Variants in ABCG8 observed in about 807,000 individuals in gnomAD.
ABCG8 encodes the protein ATP binding cassette subfamily G member 8.
Under a neutral mutation model 71.3 loss-of-function variants are expected in ABCG8, and 81 were observed. The observed-to-expected ratio is 1.14, with a 90% CI of 0.95 to 1.37. The LOEUF (loss-of-function observed/expected upper bound fraction) is 1.37, where lower values mean the gene tolerates loss of function less well. Among genes scored for constraint, ABCG8 ranks in the 40% most tolerant of loss-of-function variants. The probability of loss-of-function intolerance (pLI) is 0.00; values close to 1 mark genes in which losing one functional copy is unlikely to be tolerated. For missense variants in ABCG8, 1,119 were observed against 866.2 expected, an observed-to-expected ratio of 1.29 and a Z score of -3.66; for synonymous variants, 451 against 354.7, an observed-to-expected ratio of 1.27 and a Z score of -3.05.
chr2:43,842,243 C>T lies in ABCG8; in HGVS notation c.64-2264C>T, dbSNP rs576254172. ...GGCCAAGCTGGTCTTGAACTCCTGGCCTCAGGTGATCTGCCCTCCTCAGCT... is the reference window on the plus strand; with the variant it reads ...GGCCAAGCTGGTCTTGAACTCCTGGTCTCAGGTGATCTGCCCTCCTCAGCT... On this transcript the variant is annotated intron_variant, in intron 1 of 12. Coordinates refer to ENST00000272286, the MANE Select transcript of ABCG8 (RefSeq NM_022437.3). Among the ~76,000 whole-genome samples, 70 of 152,264 alleles carry T rather than the reference C, an allele frequency of 4.6e-4. 2 individuals are homozygous for T. Among genetic ancestry groups the T allele is most frequent in the African/African-American group, 1.5e-3 (61 of 41,546 alleles).
At chr2:43,865,614 A>ACTCT (rs879670074) in intron 6 of ABCG8, among the ~76,000 whole-genome samples, 1,423 of 141,884 alleles carry the variant, frequency 0.01, 4 homozygotes, top group Middle Eastern at 0.048. Context: ...TAGAACTCTC[A>ACTCT]CTATCTGGAT....
At chr2:43,874,792 G>T (rs913754023) in intron 10 of ABCG8, among the ~76,000 whole-genome samples, 2 of 152,170 alleles carry the variant, frequency 1.3e-5, no homozygotes, top group African/African-American at 4.8e-5. Flanking sequence ...CAGCAGGCCA[G>T]GCAGGTGTTT....
At chr2:43,858,161 G>C (rs557491553) in intron 6 of ABCG8, among the ~76,000 whole-genome samples, 1 of 151,532 alleles carries the variant, frequency 6.6e-6, no homozygotes, top group South Asian at 2.1e-4. Context: ...TATTTGTCTG[G>C]ATAGAGTTCT....
chr2:43,874,165 C>G (rs1471481006), intron 9 of ABCG8, among the ~76,000 whole-genome samples, 179 bp downstream of exon 9: 1 of 152,116 alleles, frequency 6.6e-6, no homozygotes, highest in African/African-American at 2.4e-5. Flanking sequence ...CGAGTCTTAG[C>G]TGTTCCTATC....
intron 3 of ABCG8, chr2:43,848,664 C>T (rs986754369): frequency 1.3e-5 from 2 of 152,102 alleles, no homozygotes; most frequent in African/African-American, 4.8e-5. Context: ...TGCCATCCCC[C>T]TCTCCCCCTG....
At chr2:43,862,616 G>C (rs537608431) in intron 6 of ABCG8, among the ~76,000 whole-genome samples, 46 of 148,782 alleles carry the variant, frequency 3.1e-4, no homozygotes, top group African/African-American at 1.1e-3. Context: ...CTCACTATAT[G>C]GATAGTATTC....
At chr2:43,855,360 G>A (rs948556869) in intron 6 of ABCG8, among the ~76,000 whole-genome samples, 6 of 151,710 alleles carry the variant, frequency 4.0e-5, no homozygotes, top group Non-Finnish European at 5.9e-5. Flanking sequence ...CTCACTCTCT[G>A]GATAGATCTC....
intron 6 of ABCG8, among the ~76,000 whole-genome samples, chr2:43,858,139 T>C (rs1435231409): frequency 2.0e-5 from 3 of 151,504 alleles, no homozygotes; most frequent in Non-Finnish European, 4.4e-5. Flanking sequence ...AACATCTAGA[T>C]AGAACTCTCA....
In ABCG8 at chr2:43,881,460, C is replaced by CA. The variant is rs1670129370; in HGVS notation, c.*3548dup. ...GTGCGGTGGCTCACGCCTGTAATCC[C>CA]AGCACTTTGGGAGGCCGCGGAGGGC... On this transcript the variant is annotated 3_prime_UTR_variant, in exon 13 of 13. Coordinates refer to ENST00000272286, the MANE Select transcript of ABCG8 (RefSeq NM_022437.3). The CA allele has an allele frequency of 1.3e-5, 2 of 152,510 alleles. No individual in the cohort carries two copies. The highest frequency in any genetic ancestry group is 1.5e-5 in the Non-Finnish European group (1 of 68,330). The allele number at this position is 152,510 out of a possible 1,614,324, so 9.4% of individuals were successfully genotyped here.
chr2:43,854,472 A>T (rs1339535225), intron 6 of ABCG8, among the ~76,000 whole-genome samples: 1 of 152,052 alleles, frequency 6.6e-6, no homozygotes, highest in East Asian at 1.9e-4. Context: ...TAATAAAAAT[A>T]TATGAATTAG....
In ABCG8 at chr2:43,854,626, CAAAAAAAA is replaced by C. The variant is rs759609173; in HGVS notation, c.964+1770_964+1777del. Among the ~76,000 whole-genome samples the C allele has an allele frequency of 1.6e-4, 12 of 74,730 alleles. No individual in the cohort carries two copies. In the South Asian group the frequency reaches 6.7e-3, roughly 42 times the overall value. The allele number at this position is 74,730 out of a possible 152,430, so 49.0% of individuals were successfully genotyped here. On this transcript the variant is annotated intron_variant, in intron 6 of 12. Transcript: ENST00000272286. Reference sequence around the variant, plus strand: ...TGGGCGATAGAGTGAGACTCCATCTCAAAAAAAAAAAAAAAAAAAGGATATGGGAGGAG... The same window carrying C: ...TGGGCGATAGAGTGAGACTCCATCTCAAAAAAAAAAAGGATATGGGAGGAG...
chr2:43,842,579 A>G (rs1668613505), intron 1 of ABCG8, among the ~76,000 whole-genome samples: 1 of 151,994 alleles, frequency 6.6e-6, no homozygotes, highest in Non-Finnish European at 1.5e-5. Flanking sequence ...AGTTCTACTC[A>G]CTGGCTTGCT....
chr2:43,846,949 A>C (rs1247916927), intron 3 of ABCG8: 3 of 167,890 alleles, frequency 1.8e-5, no homozygotes, highest in East Asian at 1.6e-4. Flanking sequence ...CAAACTCCCT[A>C]CTCCTCAGTG....
chr2:43,864,870 G>A lies in ABCG8; in HGVS notation c.965-7106G>A, dbSNP rs527242726. 1.4e-4 allele frequency among the ~76,000 whole-genome samples: 18 copies of A among 132,312 alleles called. No individual in the cohort carries two copies. The East Asian group carries it at 2.9e-3, about 22-fold the overall frequency. 86.8% of individuals were successfully genotyped at this position (132,312 alleles called of 152,430 possible). A position where few individuals can be genotyped will look rare whatever the true frequency, so the allele number is the denominator to read the frequency against. On this transcript the variant is annotated intron_variant, in intron 6 of 12. Transcript: ENST00000272286. ...TAGAACTCTCACTGTCTATCTGGAC[G>A]GAATTCTCACTCTCTGGATACAACT... is the stretch of plus-strand genomic sequence containing the variant.
chr2:43,877,905 G>A lies in ABCG8; in HGVS notation c.2014G>A (p.Asp672Asn), dbSNP rs771591850. Residue 672 changes from aspartate (D) to asparagine (N), a missense_variant, in exon 13 of 13, where the codon GAC becomes AAC. Transcript: ENST00000272286. ...GTTCATCAAACAGAAACCAAGTCAA[G>A]ACTGGTGATTCACGCCAGACGTCTG... is the stretch of plus-strand genomic sequence containing the variant. ...LRFIKQKPSQ[D>N]W The A allele has an allele frequency of 1.2e-6, 2 of 1,614,098 alleles. No homozygotes were observed. Among genetic ancestry groups the A allele is most frequent in the Non-Finnish European group, 1.7e-6 (2 of 1,180,010 alleles).
At chr2:43,839,259 G>A in intron 1 of ABCG8, 143 bp downstream of exon 1, 1 of 921,648 alleles carries the variant, frequency 1.1e-6, no homozygotes, top group Admixed American at 2.1e-5. Context: ...ACTGTTTCCT[G>A]CATGTCAAAG....
At chr2:43,871,200 C>T (rs1370299351) in intron 6 of ABCG8, among the ~76,000 whole-genome samples, 6 of 151,982 alleles carry the variant, frequency 3.9e-5, no homozygotes, top group African/African-American at 7.2e-5. Flanking sequence ...GGATTGAACT[C>T]TCACTATCTG....
Position 43,862,242 on chromosome 2 carries a change from A to G in ABCG8, c.964+9374A>G, listed in dbSNP as rs137959341. Among the ~76,000 whole-genome samples the G allele has an allele frequency of 9.5e-4, 144 of 151,148 alleles. 1 individual carries two copies. Among genetic ancestry groups the G allele is most frequent in the African/African-American group, 3.2e-3 (134 of 41,338 alleles). The stretch of plus-strand genomic sequence containing the variant: ...TAGAACTCTCACTATCTGTCTGGAT[A>G]GAATTCTCAGCATCTGGATAGAACT... On this transcript the variant is annotated intron_variant, in intron 6 of 12. Coordinates refer to ENST00000272286, the MANE Select transcript of ABCG8 (RefSeq NM_022437.3).
Position 43,874,034 on chromosome 2 carries a change from A to G in ABCG8, c.1411+48A>G, listed in dbSNP as rs1234712471. The G allele has an allele frequency of 1.9e-6, 3 of 1,596,824 alleles. No individual in the cohort carries two copies. In the East Asian group the frequency reaches 6.7e-5, roughly 36 times the overall value. On this transcript the variant is annotated intron_variant, in intron 9 of 12. Coordinates refer to ENST00000272286, the MANE Select transcript of ABCG8 (RefSeq NM_022437.3). Reference sequence around the variant, plus strand: ...GGCAGGCAGGACCTCAGCCACCTCCAAGCTGTGTTCCTCTGAGCTCCTGGG... The same window carrying G: ...GGCAGGCAGGACCTCAGCCACCTCCGAGCTGTGTTCCTCTGAGCTCCTGGG...
Sources: gnomAD v4.1 joint callset for allele counts (sites outside exome capture counted in the v4.1 genomes callset) on GRCh38, gnomAD v4.1.1 for gene constraint, MANE v1.5 for transcripts, NCBI Gene and HGNC (gene_info 2026-07-23, HGNC 2026-07-21) for gene names.